The following CTNND2 variants were observed in gnomAD, a reference collection of about 807,000 sequenced individuals.
CTNND2 encodes the protein catenin delta 2, also known as catenin delta-2.
CTNND2 carries 22 observed loss-of-function variants against 144.4 expected under a neutral mutation model. That is an observed-to-expected ratio of 0.15 (90% CI 0.11 to 0.22). The LOEUF (loss-of-function observed/expected upper bound fraction) is 0.22, where lower values mean the gene tolerates loss of function less well. Ranked by LOEUF, CTNND2 falls within the 10% of genes least tolerant of loss-of-function variation. CTNND2 has a pLI of 1.00. For synonymous variants in CTNND2, 751 were observed against 695.6 expected, an observed-to-expected ratio of 1.08 and a Z score of -1.25; for missense variants, 1,353 against 1,618.8, an observed-to-expected ratio of 0.84 and a Z score of 2.82.
rs1753883843 is a variant in CTNND2 at position 11,119,640 on chromosome 5, T to C, written c.2160-2073A>G. Among the ~76,000 whole-genome samples the C allele has an allele frequency of 2.6e-5, 4 of 152,378 alleles. 1 individual carries two copies. The highest frequency in any genetic ancestry group is 7.2e-5 in the African/African-American group (3 of 41,598). ...CCTTCTTGAAATGATTTTCACCAGGTTGAGCTGTGAAGCTGTTAAAATAAT... is the reference window on the plus strand; with the variant it reads ...CCTTCTTGAAATGATTTTCACCAGGCTGAGCTGTGAAGCTGTTAAAATAAT... On this transcript the variant is annotated intron_variant, in intron 12 of 21. Transcript: ENST00000304623.
intron 3 of CTNND2, among the ~76,000 whole-genome samples, chr5:11,478,440 G>A (rs1767959143): frequency 6.6e-6 from 1 of 152,180 alleles, no homozygotes; most frequent in Non-Finnish European, 1.5e-5. Flanking sequence ...AAATCTGGCA[G>A]TGTGGCTCTT....
chr5:11,723,291 T>C (rs1241044708), intron 2 of CTNND2, among the ~76,000 whole-genome samples: 4 of 152,152 alleles, frequency 2.6e-5, no homozygotes, highest in African/African-American at 9.7e-5. Flanking sequence ...TAATGAAGGA[T>C]ATAGTTGAGT....
chr5:11,160,334 A>T (rs1758648852), intron 11 of CTNND2, among the ~76,000 whole-genome samples: 1 of 152,226 alleles, frequency 6.6e-6, no homozygotes. Flanking sequence ...AGCAATGCTC[A>T]TGGAGGACCT....
chr5:11,561,240 T>C (rs763309077), intron 3 of CTNND2, among the ~76,000 whole-genome samples: 1 of 152,214 alleles, frequency 6.6e-6, no homozygotes, highest in Non-Finnish European at 1.5e-5. Context: ...CTGTATAGTG[T>C]TCCTGCCTCA....
intron 9 of CTNND2, among the ~76,000 whole-genome samples, chr5:11,305,753 TA>T (rs1750125304): frequency 6.6e-6 from 1 of 152,212 alleles, no homozygotes; most frequent in South Asian, 2.1e-4. Flanking sequence ...TTTTAATAAA[TA>T]ACCTGACTTA....
intron 9 of CTNND2, among the ~76,000 whole-genome samples, chr5:11,336,121 G>A (rs574667637): frequency 9.2e-5 from 14 of 152,228 alleles, no homozygotes; most frequent in Admixed American, 7.2e-4. Context: ...TCTGGAACTG[G>A]GCTCTTGAGC....
intron 1 of CTNND2, among the ~76,000 whole-genome samples, chr5:11,888,838 C>A (rs1292830964): frequency 6.6e-6 from 1 of 151,736 alleles, no homozygotes; most frequent in Non-Finnish European, 1.5e-5. Context: ...CCTCCGCCTC[C>A]CAGTCCCAGT....
intron 2 of CTNND2, among the ~76,000 whole-genome samples, chr5:11,613,483 A>G (rs1441357303): frequency 6.6e-6 from 1 of 152,210 alleles, no homozygotes; most frequent in Non-Finnish European, 1.5e-5. Context: ...ATGAAAAACC[A>G]CCACTAGAAG....
intron 11 of CTNND2, among the ~76,000 whole-genome samples, chr5:11,173,180 C>T (rs1402104448): frequency 1.3e-5 from 2 of 152,288 alleles, no homozygotes; most frequent in Non-Finnish European, 2.9e-5. Context: ...TGCCCTCTGG[C>T]TTGCAGCCAA....
At chr5:11,611,960 T>C (rs2126384948) in intron 2 of CTNND2, among the ~76,000 whole-genome samples, 1 of 152,302 alleles carries the variant, frequency 6.6e-6, no homozygotes, top group South Asian at 2.1e-4. Context: ...CATTTCTAGT[T>C]GTGTTCCTAA....
chr5:11,886,169 A>G (rs1039310649), intron 1 of CTNND2, among the ~76,000 whole-genome samples: 26 of 152,168 alleles, frequency 1.7e-4, no homozygotes, highest in Non-Finnish European at 1.5e-5. Flanking sequence ...AAAATGTCGG[A>G]GCAGAAATAA....
At chr5:11,075,815 C>T (rs756014526) in intron 16 of CTNND2, among the ~76,000 whole-genome samples, 8 of 152,240 alleles carry the variant, frequency 5.3e-5, no homozygotes, top group Non-Finnish European at 8.8e-5. Context: ...TGATTAGAGT[C>T]TGGATTTGAG....
rs543609018 is a variant in CTNND2, at chr5:11,572,620, C to T, written c.175-7564G>A. On this transcript the variant is annotated intron_variant, in intron 2 of 21. Coordinates refer to ENST00000304623, the MANE Select transcript of CTNND2 (RefSeq NM_001332.4). ...CAACTTCTTCCCTCCTCCTTTCCTACGACTGACCACTAGCTAATATACCCA... is the reference window on the plus strand; with the variant it reads ...CAACTTCTTCCCTCCTCCTTTCCTATGACTGACCACTAGCTAATATACCCA... Among the ~76,000 whole-genome samples, 83 of 152,176 alleles carry T rather than the reference C, an allele frequency of 5.5e-4. 1 individual carries two copies. The Middle Eastern group carries it at 0.041, about 75-fold the overall frequency.
intron 16 of CTNND2, among the ~76,000 whole-genome samples, chr5:11,071,842 T>C (rs527534862): frequency 6.6e-6 from 1 of 152,122 alleles, no homozygotes; most frequent in Admixed American, 6.5e-5. Flanking sequence ...AAAGTATCAA[T>C]AAGATATCAC....
intron 2 of CTNND2, among the ~76,000 whole-genome samples, chr5:11,592,126 T>G (rs1227931953): frequency 6.9e-6 from 1 of 145,902 alleles, no homozygotes; most frequent in Non-Finnish European, 1.5e-5. Context: ...CTTCCTTCCT[T>G]CTTTCCTGCC....
chr5:11,538,587 C>T (rs2150066059), intron 3 of CTNND2, among the ~76,000 whole-genome samples: 1 of 152,276 alleles, frequency 6.6e-6, no homozygotes, highest in Non-Finnish European at 1.5e-5. Flanking sequence ...TCTAGATGCC[C>T]AGAAACCCAG....
chr5:11,821,355 G>A (rs2126941612), intron 1 of CTNND2, among the ~76,000 whole-genome samples: 1 of 152,256 alleles, frequency 6.6e-6, no homozygotes, highest in Middle Eastern at 3.4e-3. Context: ...ACAATGAATT[G>A]ATGGAAGAGT....
intron 3 of CTNND2, among the ~76,000 whole-genome samples, chr5:11,486,639 G>A (rs935895324): frequency 6.6e-6 from 1 of 151,996 alleles, no homozygotes; most frequent in African/African-American, 2.4e-5. Context: ...AGAAGATGGG[G>A]GAGAAACAGA....
At chr5:11,438,393 A>G (rs1398263747) in intron 3 of CTNND2, among the ~76,000 whole-genome samples, 1 of 152,210 alleles carries the variant, frequency 6.6e-6, no homozygotes, top group Non-Finnish European at 1.5e-5. Flanking sequence ...ACGTGGGTGA[A>G]AAGGATGGGC....
Sources: gnomAD v4.1 joint callset for allele counts (sites outside exome capture counted in the v4.1 genomes callset) on GRCh38, gnomAD v4.1.1 for gene constraint, MANE v1.5 for transcripts, NCBI Gene and HGNC (gene_info 2026-07-23, HGNC 2026-07-21) for gene names.